Variants in CPQ observed in about 807,000 individuals in gnomAD.
CPQ encodes the protein carboxypeptidase Q, also known as Ser-Met dipeptidase.
In CPQ, 37 loss-of-function variants were observed where a neutral mutation model predicts 45.7. The ratio of observed to expected loss-of-function variants is 0.81; its 90% CI spans 0.62 to 1.07. CPQ has a LOEUF of 1.07. Among genes scored for constraint, CPQ ranks in the 50% least tolerant of loss-of-function variants. The pLI is 0.00. For synonymous variants in CPQ, 186 were observed against 205.8 expected (o/e 0.90, Z 0.82); for missense variants, 537 against 572.9 (o/e 0.94, Z 0.64).
intron 2 of CPQ, among the ~76,000 whole-genome samples, chr8:96,818,782 C>T (rs909191130): frequency 6.6e-6 from 1 of 152,148 alleles, no homozygotes; most frequent in African/African-American, 2.4e-5. Context: ...TAACATGGAA[C>T]ACACATTAGC....
chr8:97,009,116 G>A (rs1445124850), intron 5 of CPQ, among the ~76,000 whole-genome samples: 1 of 152,204 alleles, frequency 6.6e-6, no homozygotes, highest in Non-Finnish European at 1.5e-5. Context: ...ATACGTGGCA[G>A]AATCCAGCCA....
intron 7 of CPQ, 135 bp from the exon 8 acceptor site, chr8:97,142,885 G>A: frequency 1.4e-6 from 1 of 735,934 alleles, no homozygotes; most frequent in Non-Finnish European, 2.2e-6. Flanking sequence ...CTTGCAGCAA[G>A]AGAGCCTGGA....
In CPQ at chr8:96,777,851, T is replaced by C. The variant is rs1235109744; in HGVS notation, c.-34-7013T>C. Among the ~76,000 whole-genome samples the C allele has an allele frequency of 3.7e-5, 5 of 134,820 alleles. No individual in the cohort carries two copies. The Middle Eastern group carries it at 0.016, about 425-fold the overall frequency. 88.4% of individuals were successfully genotyped at this position (134,820 alleles called of 152,430 possible). ...TCACACCATTCTCCTGCCTCAGCCT[T>C]CCGAGTAGCTGGGACTACAGGCGCC... On this transcript the variant is annotated intron_variant, in intron 1 of 7. Coordinates refer to ENST00000220763, the MANE Select transcript of CPQ (RefSeq NM_016134.4).
intron 2 of CPQ, among the ~76,000 whole-genome samples, chr8:96,817,763 G>A (rs1811249615): frequency 2.0e-5 from 3 of 151,916 alleles, no homozygotes; most frequent in Non-Finnish European, 4.4e-5. Flanking sequence ...ATAGGTACAT[G>A]CCACCATGCC....
At chr8:96,677,453 G>A (rs57704651) in intron 1 of CPQ, among the ~76,000 whole-genome samples, 1 of 152,064 alleles carries the variant, frequency 6.6e-6, no homozygotes, top group African/African-American at 2.4e-5. Flanking sequence ...GCATGTGTTT[G>A]GTGGCTGTTT....
chr8:96,736,993 T>A (rs1809991629), intron 1 of CPQ, among the ~76,000 whole-genome samples: 1 of 152,054 alleles, frequency 6.6e-6, no homozygotes, highest in African/African-American at 2.4e-5. Flanking sequence ...GTGCCCTCTT[T>A]CTGTATTTCT....
intron 1 of CPQ, among the ~76,000 whole-genome samples, chr8:96,679,668 C>T (rs1346243549): frequency 1.3e-5 from 2 of 151,690 alleles, no homozygotes; most frequent in African/African-American, 4.8e-5. Flanking sequence ...CAGGAGTTAT[C>T]CATTTTCTCT....
intron 1 of CPQ, among the ~76,000 whole-genome samples, chr8:96,765,084 T>C (rs1810450071): frequency 6.6e-6 from 1 of 152,222 alleles, no homozygotes; most frequent in East Asian, 1.9e-4. Flanking sequence ...TGGACTTAGT[T>C]GTTTGGGTGA....
intron 7 of CPQ, among the ~76,000 whole-genome samples, chr8:97,112,708 TG>T (rs1468372534): frequency 9.9e-5 from 15 of 152,174 alleles, no homozygotes; most frequent in African/African-American, 2.9e-4. Flanking sequence ...ACTGACAGCA[TG>T]GATCAGAGGG....
At chr8:96,693,788 G>C (rs1018125135) in intron 1 of CPQ, among the ~76,000 whole-genome samples, 2 of 152,130 alleles carry the variant, frequency 1.3e-5, no homozygotes, top group Non-Finnish European at 2.9e-5. Flanking sequence ...GGACTCAGTG[G>C]TTATAGTAAG....
intron 2 of CPQ, among the ~76,000 whole-genome samples, chr8:96,818,506 C>G (rs535930207): frequency 6.6e-6 from 1 of 151,944 alleles, no homozygotes; most frequent in Non-Finnish European, 1.5e-5. Context: ...GGGGTTGCAA[C>G]AAACTCGATT....
At position 96,699,415 on chromosome 8, in the gene CPQ, A is replaced by C. The variant is rs114595433; in HGVS notation, c.-35+54013A>C. Among the ~76,000 whole-genome samples, 1,004 of 152,254 alleles carry C rather than the reference A, an allele frequency of 6.6e-3. 9 individuals carry two copies. The highest frequency in any genetic ancestry group is 0.022 in the African/African-American group (924 of 41,562). On this transcript the variant is annotated intron_variant, in intron 1 of 7. Transcript: ENST00000220763. ...TTAGAAAGCATGAATAAGACCTAGC[A>C]TTTGATCGTACAACAGGGTGACTAT...
chr8:97,055,035 T>G (rs1268898721), intron 6 of CPQ, among the ~76,000 whole-genome samples: 2 of 145,346 alleles, frequency 1.4e-5, no homozygotes, highest in Admixed American at 1.3e-4. Flanking sequence ...AGTTACCCTC[T>G]CACAACACCC....
intron 1 of CPQ, among the ~76,000 whole-genome samples, chr8:96,710,091 T>A (rs1179085085): frequency 1.3e-5 from 2 of 152,136 alleles, no homozygotes; most frequent in Non-Finnish European, 2.9e-5. Flanking sequence ...TATTCAGGGT[T>A]TCTATTTCTT....
intron 6 of CPQ, among the ~76,000 whole-genome samples, chr8:97,045,032 A>G (rs1450373295): frequency 1.3e-5 from 2 of 152,216 alleles, no homozygotes; most frequent in African/African-American, 4.8e-5. Context: ...AGACAGGGAC[A>G]TTTAAGTCTG....
chr8:96,731,719 G>A (rs570120749), intron 1 of CPQ, among the ~76,000 whole-genome samples: 1 of 152,260 alleles, frequency 6.6e-6, no homozygotes, highest in South Asian at 2.1e-4. Flanking sequence ...GAAGGGCTGG[G>A]GGTGTTGAGG....
chr8:96,807,185 C>A (rs1044854443), intron 2 of CPQ, among the ~76,000 whole-genome samples: 1 of 152,078 alleles, frequency 6.6e-6, no homozygotes, highest in Admixed American at 6.6e-5. Flanking sequence ...CACTGCTGAT[C>A]CCTGATCCCT....
At chr8:96,653,776 C>T (rs777552734) in intron 1 of CPQ, among the ~76,000 whole-genome samples, 4 of 151,664 alleles carry the variant, frequency 2.6e-5, no homozygotes, top group South Asian at 2.1e-4. Context: ...GTTGAGTAGG[C>T]GGAGGAGGAG....
rs185658815 is a variant in CPQ, at chr8:96,740,402, C to T, written c.-34-44462C>T. Among the ~76,000 whole-genome samples the T allele has an allele frequency of 4.6e-3, 707 of 152,224 alleles. 19 individuals carry two copies. Among genetic ancestry groups the T allele is most frequent in the Admixed American group, 0.043 (663 of 15,282 alleles). On this transcript the variant is annotated intron_variant, in intron 1 of 7. Transcript: ENST00000220763. Reference sequence around the variant, plus strand: ...TTTTCTAGATATACAATCATGTCATCTGCAAACAGGGACAATTTGACTTCC... The same window carrying T: ...TTTTCTAGATATACAATCATGTCATTTGCAAACAGGGACAATTTGACTTCC...
Sources: gnomAD v4.1 joint callset for allele counts (sites outside exome capture counted in the v4.1 genomes callset) on GRCh38, gnomAD v4.1.1 for gene constraint, MANE v1.5 for transcripts, NCBI Gene and HGNC (gene_info 2026-07-23, HGNC 2026-07-21) for gene names.